LARGE1: variants seen among roughly 807,000 people sequenced by gnomAD.
LARGE1 encodes LARGE xylosyl- and glucuronyltransferase 1, also known as xylosyl- and glucuronyltransferase LARGE1.
Under a neutral mutation model 87.6 loss-of-function variants are expected in LARGE1, and 43 were observed. The ratio of observed to expected loss-of-function variants is 0.49; its 90% CI spans 0.38 to 0.63. The LOEUF is 0.63. Ranked by LOEUF, LARGE1 falls within the 30% of genes least tolerant of loss-of-function variation. LARGE1 has a pLI of 0.00. For synonymous variants in LARGE1, 434 were observed against 394.6 expected, an observed-to-expected ratio of 1.10 and a Z score of -1.18; for missense variants, 802 against 1,000.2, an observed-to-expected ratio of 0.80 and a Z score of 2.67.
At chr22:33,090,090 C>G in the LARGE1 span, among the ~76,000 whole-genome samples, 1 of 152,012 alleles carries the variant, frequency 6.6e-6, no homozygotes, top group Non-Finnish European at 1.5e-5. Flanking sequence ...CCTGTAATCC[C>G]AGCTACTCAG....
At chr22:33,900,086 T>C (rs2065244143) in intron 1 of LARGE1, among the ~76,000 whole-genome samples, 1 of 152,138 alleles carries the variant, frequency 6.6e-6, no homozygotes, top group African/African-American at 2.4e-5. Context: ...AAAATACAGC[T>C]CATGAAAACA....
At chr22:33,418,746 G>A (rs1428090108) in intron 7 of LARGE1, among the ~76,000 whole-genome samples, 2 of 152,174 alleles carry the variant, frequency 1.3e-5, no homozygotes, top group African/African-American at 4.8e-5. Flanking sequence ...AGGAGGGGCT[G>A]TGGATACGGA....
chr22:33,557,914 G>A (rs2077741995), intron 6 of LARGE1, among the ~76,000 whole-genome samples: 1 of 152,068 alleles, frequency 6.6e-6, no homozygotes, highest in African/African-American at 2.4e-5. Flanking sequence ...AAATGCCCAG[G>A]ACTTTTAACA....
chr22:33,301,876 T>C (rs1380786990), intron 12 of LARGE1, among the ~76,000 whole-genome samples: 1 of 152,010 alleles, frequency 6.6e-6, no homozygotes, highest in Non-Finnish European at 1.5e-5. Flanking sequence ...TAATAAAACA[T>C]AGAAAGACAA....
chr22:33,283,966 G>C (rs1302048059), intron 12 of LARGE1, among the ~76,000 whole-genome samples: 3 of 151,990 alleles, frequency 2.0e-5, no homozygotes, highest in African/African-American at 7.2e-5. Context: ...AGAAAGATGG[G>C]GAGCCCTGGG....
At chr22:33,816,681 T>TAGACAGAC (rs1312216390) in intron 1 of LARGE1, among the ~76,000 whole-genome samples, 1 of 129,622 alleles carries the variant, frequency 7.7e-6, no homozygotes, top group African/African-American at 3.2e-5. Context: ...GATGGATAGA[T>TAGACAGAC]AGATAGATAG....
At chr22:33,469,355 A>G (rs2068737866) in intron 6 of LARGE1, among the ~76,000 whole-genome samples, 4 of 152,240 alleles carry the variant, frequency 2.6e-5, no homozygotes, top group African/African-American at 7.2e-5. Context: ...GCAGTCATAA[A>G]AAAGAACAAG....
chr22:33,716,530 G>A (rs2082912129), intron 2 of LARGE1, among the ~76,000 whole-genome samples: 1 of 152,172 alleles, frequency 6.6e-6, no homozygotes, highest in Admixed American at 6.5e-5. Flanking sequence ...CTGAGTAGCT[G>A]GGACCACAGG....
chr22:33,115,626 G>A, the LARGE1 span, among the ~76,000 whole-genome samples: 1 of 151,852 alleles, frequency 6.6e-6, no homozygotes, highest in Admixed American at 6.6e-5. Flanking sequence ...GACCATCCTG[G>A]CCAACATGGT....
chr22:33,508,840 G>C (rs2070896962), intron 6 of LARGE1, among the ~76,000 whole-genome samples: 1 of 152,158 alleles, frequency 6.6e-6, no homozygotes, highest in South Asian at 2.1e-4. Context: ...AATATGGCAG[G>C]GAAGTGTGGG....
At chr22:33,278,437 G>A in intron 13 of LARGE1, among the ~76,000 whole-genome samples, 1 of 152,104 alleles carries the variant, frequency 6.6e-6, no homozygotes, top group Non-Finnish European at 1.5e-5. Context: ...TGCTATGTTT[G>A]TGGTAATTTG....
intron 10 of LARGE1, among the ~76,000 whole-genome samples, chr22:33,334,384 C>T (rs1260315449): frequency 7.2e-6 from 1 of 139,104 alleles, no homozygotes; most frequent in Non-Finnish European, 1.5e-5. Flanking sequence ...GCACTCTAGC[C>T]TGGCGACAGA....
At chr22:33,551,475 T>C (rs959434817) in intron 6 of LARGE1, among the ~76,000 whole-genome samples, 1 of 152,218 alleles carries the variant, frequency 6.6e-6, no homozygotes, top group African/African-American at 2.4e-5. Context: ...TTAGTTCAAT[T>C]TGGCCTGTTG....
At chr22:33,856,771 G>A (rs925835792) in intron 1 of LARGE1, 1 of 152,168 alleles carries the variant, frequency 6.6e-6, no homozygotes, top group African/African-American at 2.4e-5. Flanking sequence ...ACAAACGGCT[G>A]ATGCATCTGA....
At chr22:33,629,629 G>A (rs936889122) in intron 3 of LARGE1, among the ~76,000 whole-genome samples, 1 of 152,170 alleles carries the variant, frequency 6.6e-6, no homozygotes, top group Admixed American at 6.5e-5. Context: ...GAGTGGGAAT[G>A]GGGAGAGTAG....
At chr22:33,701,440 T>TTTGG (rs2082401405) in intron 2 of LARGE1, among the ~76,000 whole-genome samples, 1 of 152,204 alleles carries the variant, frequency 6.6e-6, no homozygotes, top group Non-Finnish European at 1.5e-5. Context: ...CCAAAGGGAC[T>TTTGG]TTTATGTCTC....
the LARGE1 span, among the ~76,000 whole-genome samples, chr22:33,147,613 T>A: frequency 6.6e-6 from 1 of 152,240 alleles, no homozygotes; most frequent in Admixed American, 6.5e-5. Context: ...TATAGCTTTT[T>A]ACATATATGT....
chr22:33,564,843 A>G lies in LARGE1; in HGVS notation c.787+5T>C, dbSNP rs763571538. Reference sequence around the variant, plus strand: ...TCGGGGAAAAAACGAATGGGCTACCATTACCTTTGAACTTGTGGAACACAG... The same window carrying G: ...TCGGGGAAAAAACGAATGGGCTACCGTTACCTTTGAACTTGTGGAACACAG... On this transcript the variant is annotated splice_donor_5th_base_variant and intron_variant, in intron 6 of 14. Transcript: ENST00000397394. 2.2e-5 allele frequency: 35 copies of G among 1,614,070 alleles called. 1 individual carries two copies. The South Asian group carries it at 3.1e-4, about 14-fold the overall frequency.
At chr22:33,726,323 G>C (rs2083271816) in intron 2 of LARGE1, 1 of 152,140 alleles carries the variant, frequency 6.6e-6, no homozygotes, top group African/African-American at 2.4e-5. Flanking sequence ...GCTCTGCCAA[G>C]AAATGACACA....
Sources: gnomAD v4.1 joint callset for allele counts (sites outside exome capture counted in the v4.1 genomes callset) on GRCh38, gnomAD v4.1.1 for gene constraint, MANE v1.5 for transcripts, NCBI Gene and HGNC (gene_info 2026-07-23, HGNC 2026-07-21) for gene names.